AGTPBP1: variants seen among roughly 807,000 people sequenced by gnomAD.
AGTPBP1 encodes the protein ATP/GTP binding carboxypeptidase 1, also known as cytosolic carboxypeptidase 1.
Under a neutral mutation model 143.9 loss-of-function variants are expected in AGTPBP1, and 70 were observed. The ratio of observed to expected loss-of-function variants is 0.49; its 90% CI spans 0.40 to 0.59. The LOEUF (loss-of-function observed/expected upper bound fraction) is 0.59. AGTPBP1 is among the 20% of genes least tolerant of loss of function. The pLI, the probability that AGTPBP1 is intolerant of heterozygous loss-of-function variation, is 0.00. For missense variants in AGTPBP1, 1,229 were observed against 1,464.5 expected, an observed-to-expected ratio of 0.84 and a Z score of 2.62; for synonymous variants, 463 against 500.2, an observed-to-expected ratio of 0.93 and a Z score of 0.99.
At chr9:85,578,835 T>A in intron 24 of AGTPBP1, 85 bp downstream of exon 24, 1 of 1,330,392 alleles carries the variant, frequency 7.5e-7, no homozygotes, top group South Asian at 1.3e-5. Flanking sequence ...AAACATCATT[T>A]AATATATACT....
intron 1 of AGTPBP1, among the ~76,000 whole-genome samples, chr9:85,722,049 T>C (rs1265335456): frequency 6.6e-6 from 1 of 152,262 alleles, no homozygotes; most frequent in Non-Finnish European, 1.5e-5. Flanking sequence ...ACTGTTAGTC[T>C]GATGGGCTTC....
chr9:85,666,216 CA>C (rs1834122278), intron 8 of AGTPBP1, among the ~76,000 whole-genome samples: 1 of 152,098 alleles, frequency 6.6e-6, no homozygotes. Context: ...CAATGACTTC[CA>C]AACCTATGGG....
the AGTPBP1 span, among the ~76,000 whole-genome samples, chr9:85,787,155 T>C: frequency 6.6e-6 from 1 of 152,174 alleles, no homozygotes; most frequent in Non-Finnish European, 1.5e-5. Flanking sequence ...CACTGTTCTG[T>C]TTCTGGAAAT....
At chr9:85,776,870 T>G in the AGTPBP1 span, among the ~76,000 whole-genome samples, 2 of 152,244 alleles carry the variant, frequency 1.3e-5, no homozygotes, top group East Asian at 3.9e-4. Flanking sequence ...GTGGTGCCAC[T>G]TCCACTTCCA....
At chr9:85,749,195 A>G in the AGTPBP1 span, among the ~76,000 whole-genome samples, 7,759 of 151,508 alleles carry the variant, frequency 0.051, 341 homozygotes, top group African/African-American at 0.12. Context: ...GGGTCTTACT[A>G]TGTTGCCCAG....
intron 8 of AGTPBP1, 104 bp from the exon 9 acceptor site, chr9:85,661,077 T>G: frequency 1.0e-6 from 1 of 957,402 alleles, no homozygotes; most frequent in Non-Finnish European, 1.5e-6. Context: ...TTCTATTATC[T>G]ATTCCAAAGT....
the AGTPBP1 span, chr9:85,774,059 A>G: frequency 6.7e-7 from 1 of 1,490,296 alleles, no homozygotes; most frequent in Non-Finnish European, 9.4e-7. Flanking sequence ...TTTGACAGTT[A>G]TGTAAAGTTG....
At position 85,560,292 on chromosome 9, in the gene AGTPBP1, C is replaced by G. The variant is rs12344405; in HGVS notation, c.3504-13006G>C. 7.4e-3 allele frequency among the ~76,000 whole-genome samples: 1,122 copies of G among 152,222 alleles called. 12 individuals are homozygous for G. Among genetic ancestry groups the G allele is most frequent in the African/African-American group, 0.025 (1,049 of 41,534 alleles). ...AATTAGAGACACTGGTTATTTTTAA[C>G]AAATGGGTTTTAGGGTGGAATTGAA... On this transcript the variant is annotated intron_variant, in intron 25 of 25. Transcript: ENST00000357081.
At chr9:85,628,846 A>C (rs1289435133) in intron 14 of AGTPBP1, among the ~76,000 whole-genome samples, 1 of 151,982 alleles carries the variant, frequency 6.6e-6, no homozygotes, top group Non-Finnish European at 1.5e-5. Flanking sequence ...TGCCCGAGTA[A>C]CTGGGACTAC....
chr9:85,612,702 G>A (rs1564063665), intron 17 of AGTPBP1, among the ~76,000 whole-genome samples: 1 of 152,078 alleles, frequency 6.6e-6, no homozygotes, highest in South Asian at 2.1e-4. Context: ...GTGGGAGACT[G>A]AGTCCTTAAT....
At chr9:85,579,860 T>A (rs1828139591) in intron 23 of AGTPBP1, among the ~76,000 whole-genome samples, 2 of 150,848 alleles carry the variant, frequency 1.3e-5, no homozygotes, top group African/African-American at 4.9e-5. Flanking sequence ...CTTCATTAAA[T>A]TAAATTCTAG....
At chr9:85,804,298 C>T in the AGTPBP1 span, among the ~76,000 whole-genome samples, 1 of 152,108 alleles carries the variant, frequency 6.6e-6, no homozygotes, top group Non-Finnish European at 1.5e-5. Flanking sequence ...TTCACTGATT[C>T]GCCTTCATAT....
At chr9:85,553,830 T>G (rs538337637) in intron 25 of AGTPBP1, 9 of 152,334 alleles carry the variant, frequency 5.9e-5, no homozygotes, top group African/African-American at 2.2e-4. Flanking sequence ...TAGACCTCAA[T>G]CCAACTCCTG....
At chr9:85,594,164 T>C (rs935233083) in intron 18 of AGTPBP1, among the ~76,000 whole-genome samples, 1 of 152,214 alleles carries the variant, frequency 6.6e-6, no homozygotes, top group Non-Finnish European at 1.5e-5. Context: ...ATTACAGCTA[T>C]ATGGCAGTTT....
chr9:85,776,176 A>G, the AGTPBP1 span, among the ~76,000 whole-genome samples: 9 of 152,382 alleles, frequency 5.9e-5, no homozygotes, highest in South Asian at 1.9e-3. Flanking sequence ...GCTGATGTGA[A>G]GTCAATAAAT....
chr9:85,673,951 T>C (rs1007306792), intron 6 of AGTPBP1, among the ~76,000 whole-genome samples: 7 of 150,620 alleles, frequency 4.6e-5, no homozygotes, highest in Admixed American at 1.3e-4. Flanking sequence ...AAACCCCGTC[T>C]CTATTAAAAA....
chr9:85,795,856 GTTTTTTTTTTTTT>G, the AGTPBP1 span, among the ~76,000 whole-genome samples: 1 of 70,670 alleles, frequency 1.4e-5, no homozygotes, highest in Non-Finnish European at 2.6e-5. Flanking sequence ...CTTCTTCTTA[GTTTTTTTTTTTTT>G]TTTTTTTTTT....
At chr9:85,786,433 C>T in the AGTPBP1 span, 2 of 1,613,914 alleles carry the variant, frequency 1.2e-6, no homozygotes, top group Non-Finnish European at 1.7e-6. Flanking sequence ...TTCATGGTGT[C>T]ACACCTGTAA....
At chr9:85,626,909 A>G (rs888985224) in intron 14 of AGTPBP1, among the ~76,000 whole-genome samples, 6 of 152,244 alleles carry the variant, frequency 3.9e-5, no homozygotes, top group African/African-American at 1.4e-4. Context: ...TGTGAAAACC[A>G]TTTTTAGCTC....
Sources: allele counts gnomAD v4.1 joint callset (sites outside exome capture counted in the v4.1 genomes callset), GRCh38; gene constraint gnomAD v4.1.1; transcripts MANE v1.5; gene names NCBI Gene and HGNC (gene_info 2026-07-23, HGNC 2026-07-21).